BBX: variants seen among roughly 807,000 people sequenced by gnomAD.
The protein encoded by BBX is HMG box transcription factor BBX.
Under a neutral mutation model 100.2 loss-of-function variants are expected in BBX, and 30 were observed. The observed-to-expected ratio is 0.30, with a 90% CI of 0.22 to 0.41. The LOEUF is 0.41. Among genes scored for constraint, BBX ranks in the 10% least tolerant of loss-of-function variants. The probability of loss-of-function intolerance (pLI) is 1.00; values close to 1 mark genes in which losing one functional copy is unlikely to be tolerated. For missense variants in BBX, 1,023 were observed against 1,129.8 expected (o/e 0.91, Z 1.35); for synonymous variants, 376 against 388.1 (o/e 0.97, Z 0.37).
intron 5 of BBX, among the ~76,000 whole-genome samples, chr3:107,718,487 G>C (rs577838041): frequency 2.0e-5 from 3 of 151,550 alleles, no homozygotes; most frequent in East Asian, 3.9e-4. Flanking sequence ...CCATTAAATA[G>C]CCTTACATTT....
intron 3 of BBX, among the ~76,000 whole-genome samples, chr3:107,673,494 T>C (rs2059127299): frequency 6.6e-6 from 1 of 152,110 alleles, no homozygotes; most frequent in South Asian, 2.1e-4. Context: ...CAAAAAACCT[T>C]CACAGGAATC....
chr3:107,728,819 A>C lies in BBX; in HGVS notation c.460A>C (p.Asn154His). 1.2e-6 allele frequency: 2 copies of C among 1,613,906 alleles called. No homozygotes were observed. Among genetic ancestry groups the C allele is most frequent in the Non-Finnish European group, 1.7e-6 (2 of 1,179,854 alleles). Reference protein sequence around the residue: ...NPGYKWCPTTNKPVKSPTPTV... With the variant: ...NPGYKWCPTTHKPVKSPTPTV... ...TGGCTACAAATGGTGTCCTACCACAAACAAGCCTGTGAAATCCCCAACACC... is the reference window on the plus strand; with the variant it reads ...TGGCTACAAATGGTGTCCTACCACACACAAGCCTGTGAAATCCCCAACACC... Residue 154 changes from asparagine to histidine, a missense_variant, in exon 6 of 18, where the codon AAC (asparagine) becomes CAC (histidine). Coordinates refer to ENST00000325805, the MANE Select transcript of BBX (RefSeq NM_001142568.3).
At chr3:107,798,849 A>AG in intron 16 of BBX, 129 bp downstream of exon 16, 1 of 1,029,622 alleles carries the variant, frequency 9.7e-7, no homozygotes, top group Admixed American at 2.9e-5. Context: ...AAAAAAAAAA[A>AG]ACAAAAACAA....
intron 2 of BBX, among the ~76,000 whole-genome samples, chr3:107,627,938 C>T (rs2056303024): frequency 6.6e-6 from 1 of 151,798 alleles, no homozygotes; most frequent in African/African-American, 2.4e-5. Context: ...CTCACTATAG[C>T]AATGAATAAT....
chr3:107,683,248 G>T (rs543125081), intron 3 of BBX, among the ~76,000 whole-genome samples: 1 of 152,032 alleles, frequency 6.6e-6, no homozygotes, highest in African/African-American at 2.4e-5. Context: ...CTTGTTAGAG[G>T]TCCCCCCTGC....
At chr3:107,599,122 A>G (rs2053876543) in intron 2 of BBX, among the ~76,000 whole-genome samples, 1 of 152,138 alleles carries the variant, frequency 6.6e-6, no homozygotes, top group African/African-American at 2.4e-5. Flanking sequence ...CCCCTGTGTA[A>G]TAGTTTACCA....
intron 1 of BBX, chr3:107,523,688 G>C (rs2047533118): frequency 1.3e-5 from 2 of 152,512 alleles, no homozygotes; most frequent in East Asian, 1.9e-4. Context: ...CTGCCGGGGA[G>C]GTGGGGCCTG....
chr3:107,645,674 T>G (rs1363744731), intron 2 of BBX, among the ~76,000 whole-genome samples, 162 bp from the exon 3 acceptor site: 9 of 152,250 alleles, frequency 5.9e-5, no homozygotes, highest in Admixed American at 1.3e-4. Flanking sequence ...GGCCACTTTC[T>G]CTAACTAGCA....
At chr3:107,756,444 T>A (rs990744344) in intron 10 of BBX, among the ~76,000 whole-genome samples, 8 of 152,198 alleles carry the variant, frequency 5.3e-5, no homozygotes, top group Admixed American at 3.9e-4. Context: ...AAATTTTTTT[T>A]AATTTTCTCA....
chr3:107,682,084 C>T (rs1281165779), intron 3 of BBX, among the ~76,000 whole-genome samples: 5 of 152,050 alleles, frequency 3.3e-5, no homozygotes, highest in Non-Finnish European at 2.9e-5. Context: ...TAAAAGTGTA[C>T]TTCACATAAA....
chr3:107,665,916 T>C (rs1219225702), intron 3 of BBX, among the ~76,000 whole-genome samples: 1 of 152,208 alleles, frequency 6.6e-6, no homozygotes, highest in Non-Finnish European at 1.5e-5. Context: ...TCTTCCTTTC[T>C]ATTGTGGTTC....
At chr3:107,602,885 A>G (rs2054158506) in intron 2 of BBX, among the ~76,000 whole-genome samples, 1 of 152,246 alleles carries the variant, frequency 6.6e-6, no homozygotes, top group Non-Finnish European at 1.5e-5. Flanking sequence ...AAAGATTTAG[A>G]CCATTATATA....
At chr3:107,754,567 A>G (rs1011884801) in intron 9 of BBX, among the ~76,000 whole-genome samples, 3 of 152,214 alleles carry the variant, frequency 2.0e-5, no homozygotes, top group African/African-American at 7.2e-5. Context: ...TTCAGCAAGT[A>G]TTCTAGGGAA....
chr3:107,763,500 G>T (rs1007183570), intron 10 of BBX, among the ~76,000 whole-genome samples: 1 of 152,166 alleles, frequency 6.6e-6, no homozygotes, highest in African/African-American at 2.4e-5. Flanking sequence ...ATAAAAGCTT[G>T]TTGCAGCCAA....
In BBX at chr3:107,666,077, A is replaced by G. The variant is rs985802562; in HGVS notation, c.-10+20168A>G. Among the ~76,000 whole-genome samples, 9 of 152,296 alleles carry G rather than the reference A, an allele frequency of 5.9e-5. No individual in the cohort carries two copies. In the East Asian group the frequency reaches 1.7e-3, roughly 29 times the overall value. ...TTGACTCCAGATTCTCACGTGACTA[A>G]TATTTCCTAAATGTGTTGCTGGTCC... is the stretch of plus-strand genomic sequence containing the variant. On this transcript the variant is annotated intron_variant, in intron 3 of 17. Coordinates refer to ENST00000325805, the MANE Select transcript of BBX (RefSeq NM_001142568.3).
chr3:107,650,937 C>A (rs1470769618), intron 3 of BBX, among the ~76,000 whole-genome samples: 1 of 152,166 alleles, frequency 6.6e-6, no homozygotes, highest in Non-Finnish European at 1.5e-5. Context: ...GCTTGTACCA[C>A]CAGAAAGGGC....
chr3:107,644,806 T>C (rs1443639611), intron 2 of BBX, among the ~76,000 whole-genome samples: 1 of 152,156 alleles, frequency 6.6e-6, no homozygotes, highest in Non-Finnish European at 1.5e-5. Context: ...TCTTTCCAGC[T>C]TTTGTTTTTG....
intron 4 of BBX, among the ~76,000 whole-genome samples, chr3:107,715,897 T>A (rs1451937843): frequency 1.3e-5 from 2 of 152,152 alleles, no homozygotes; most frequent in African/African-American, 4.8e-5. Context: ...CCTAGAGGAG[T>A]TTATTCCTAT....
At position 107,716,708 on chromosome 3, in the gene BBX, T is replaced by C. The variant is rs1345897735; in HGVS notation, c.264T>C (p.Leu88=). 1.2e-6 allele frequency: 2 copies of C among 1,613,826 alleles called. No homozygotes were observed. The highest frequency in any genetic ancestry group is 1.7e-4 in the Middle Eastern group (1 of 6,056). Residue 88 remains leucine (L), a synonymous_variant, in exon 5 of 18, where the codon CTT becomes CTC. Coordinates refer to ENST00000325805, the MANE Select transcript of BBX (RefSeq NM_001142568.3). The part of the protein sequence containing the change: ...QRARRPMNAF[L]LFCKRHRSLV... ...CCCGGAGACCAATGAATGCATTTCTTTTATTTTGCAAACGCCATCGCTCTC... is the reference window on the plus strand; with the variant it reads ...CCCGGAGACCAATGAATGCATTTCTCTTATTTTGCAAACGCCATCGCTCTC...
Sources: gnomAD v4.1 joint callset for allele counts (sites outside exome capture counted in the v4.1 genomes callset) on GRCh38, gnomAD v4.1.1 for gene constraint, MANE v1.5 for transcripts, NCBI Gene and HGNC (gene_info 2026-07-23, HGNC 2026-07-21) for gene names.